NEK6: variants seen among roughly 807,000 people sequenced by gnomAD.
NEK6 encodes the protein serine/threonine-protein kinase Nek6.
NEK6 carries 27 observed loss-of-function variants against 43.5 expected under a neutral mutation model. The ratio of observed to expected loss-of-function variants is 0.62; its 90% CI spans 0.46 to 0.86. NEK6 has a LOEUF of 0.86. Ranked by LOEUF, NEK6 falls within the 40% of genes least tolerant of loss-of-function variation. The pLI, the probability that NEK6 is intolerant of heterozygous loss-of-function variation, is 0.00. For missense variants in NEK6, 318 were observed against 414.4 expected, an observed-to-expected ratio of 0.77 and a Z score of 2.02; for synonymous variants, 167 against 164.1, an observed-to-expected ratio of 1.02 and a Z score of -0.14.
intron 1 of NEK6, among the ~76,000 whole-genome samples, chr9:124,293,262 C>T (rs1478141087): frequency 6.6e-6 from 1 of 152,212 alleles, no homozygotes; most frequent in Non-Finnish European, 1.5e-5. Context: ...TCAGTTTCTT[C>T]ATCTGTAAAA....
intron 1 of NEK6, chr9:124,292,162 A>G (rs1032339034): frequency 8.1e-7 from 1 of 1,239,860 alleles, no homozygotes; most frequent in South Asian, 1.8e-5. Context: ...GGGATGGGGA[A>G]CCAGGCCCCA....
chr9:124,330,509 C>T (rs538541270), intron 7 of NEK6, among the ~76,000 whole-genome samples: 5 of 152,038 alleles, frequency 3.3e-5, no homozygotes, highest in East Asian at 1.9e-4. Context: ...GCAGGAAGGG[C>T]GGCTGGTCAC....
chr9:124,281,487 C>CT (rs759381068), intron 1 of NEK6, among the ~76,000 whole-genome samples: 5,742 of 102,778 alleles, frequency 0.056, 531 homozygotes, highest in East Asian at 0.096. Context: ...GCTGTTTTTT[C>CT]TTTTTTTTTT....
At chr9:124,257,670 C>A, upstream of NEK6, 1 of 1,527,926 alleles carries the variant, frequency 6.5e-7, no homozygotes, top group Non-Finnish European at 8.8e-7. Flanking sequence ...ACTGCAGACC[C>A]TCATCATAAG....
intron 7 of NEK6, among the ~76,000 whole-genome samples, chr9:124,328,533 T>A (rs886581776): frequency 6.6e-6 from 1 of 152,164 alleles, no homozygotes; most frequent in African/African-American, 2.4e-5. Flanking sequence ...CGCCGCCTCC[T>A]TGAACACCGC....
At chr9:124,290,190 G>A (rs368563709) in intron 1 of NEK6, among the ~76,000 whole-genome samples, 13 of 152,336 alleles carry the variant, frequency 8.5e-5, no homozygotes, top group Non-Finnish European at 1.8e-4. Flanking sequence ...GGGGGCTCAC[G>A]GTGACTCTCA....
intron 7 of NEK6, among the ~76,000 whole-genome samples, chr9:124,337,061 A>G (rs1408910497): frequency 1.3e-5 from 2 of 151,792 alleles, no homozygotes; most frequent in African/African-American, 4.8e-5. Flanking sequence ...ATGGGCTGAT[A>G]GGAGAATGTC....
intron 1 of NEK6, 123 bp downstream of exon 1, chr9:124,258,208 G>C: frequency 6.1e-6 from 6 of 976,536 alleles, no homozygotes; most frequent in Middle Eastern, 5.3e-4. Context: ...ACGGCTCCGC[G>C]GGGGAGAGCG....
chr9:124,268,135 T>C (rs1033658021), intron 1 of NEK6, among the ~76,000 whole-genome samples: 10 of 152,188 alleles, frequency 6.6e-5, no homozygotes, highest in African/African-American at 9.7e-5. Flanking sequence ...ATGTTAGCAA[T>C]TGAGATATTT....
chr9:124,339,001 C>A (rs934436189), intron 7 of NEK6, among the ~76,000 whole-genome samples: 1 of 151,126 alleles, frequency 6.6e-6, no homozygotes, highest in African/African-American at 2.4e-5. Flanking sequence ...CAACCCCCAG[C>A]TCTCCAGCCC....
At chr9:124,265,084 T>C (rs2118876366) in intron 1 of NEK6, among the ~76,000 whole-genome samples, 1 of 152,296 alleles carries the variant, frequency 6.6e-6, no homozygotes, top group East Asian at 1.9e-4. Flanking sequence ...GGGGAGCGAC[T>C]GATTAAGGGA....
chr9:124,270,069 G>GCCC (rs560878217), intron 1 of NEK6, among the ~76,000 whole-genome samples: 2 of 147,348 alleles, frequency 1.4e-5, no homozygotes, highest in African/African-American at 5.0e-5. Flanking sequence ...TTCCTTCCAC[G>GCCC]CCCCCCCCCC....
rs778719129 is a variant in NEK6 at position 124,313,915 on chromosome 9, C to T, written c.232-8C>T. The T allele has an allele frequency of 2.0e-5, 32 of 1,613,942 alleles. No individual in the cohort carries two copies. Among genetic ancestry groups the T allele is most frequent in the Admixed American group, 1.7e-4 (10 of 59,994 alleles). On this transcript the variant is annotated splice_region_variant and splice_polypyrimidine_tract_variant and intron_variant, in intron 3 of 9. Transcript: ENST00000320246. ...ACCACTCTATTTCTCTTTTTCCTCC[C>T]GCCCAAGATCTTTGAGATGATGGAC...
At chr9:124,280,365 C>CG (rs1831843759) in intron 1 of NEK6, among the ~76,000 whole-genome samples, 1 of 152,210 alleles carries the variant, frequency 6.6e-6, no homozygotes, top group African/African-American at 2.4e-5. Context: ...TGGAAGGGTA[C>CG]GGCGTCAGAC....
intron 4 of NEK6, 44 bp from the exon 5 acceptor site, chr9:124,321,415 C>T (rs749821002): frequency 2.3e-5 from 31 of 1,335,724 alleles, no homozygotes; most frequent in Admixed American, 6.8e-5. Flanking sequence ...GGGTCTGTCC[C>T]GTCTTCACTT....
At chr9:124,292,544 G>GT (rs762272001) in intron 1 of NEK6, 2 of 1,537,002 alleles carry the variant, frequency 1.3e-6, no homozygotes, top group Non-Finnish European at 8.7e-7. Context: ...CCCAGGGTGA[G>GT]TTTTTTACAA....
intron 7 of NEK6, among the ~76,000 whole-genome samples, chr9:124,335,103 A>C (rs542637800): frequency 6.6e-6 from 1 of 152,108 alleles, no homozygotes; most frequent in East Asian, 1.9e-4. Flanking sequence ...GCCCTACATC[A>C]TTGTCCAACC....
At chr9:124,281,501 T>TC (rs1831909082) in intron 1 of NEK6, among the ~76,000 whole-genome samples, 1 of 141,532 alleles carries the variant, frequency 7.1e-6, no homozygotes, top group African/African-American at 2.6e-5. Flanking sequence ...TTTTTTTTTT[T>TC]TTTTTTTTTT....
chr9:124,259,183 G>A (rs2118833396), intron 1 of NEK6: 1 of 152,334 alleles, frequency 6.6e-6, no homozygotes, highest in African/African-American at 2.4e-5. Flanking sequence ...TCTAACTGTT[G>A]AAAATCTTTG....
Sources: allele counts gnomAD v4.1 joint callset (sites outside exome capture counted in the v4.1 genomes callset), GRCh38; gene constraint gnomAD v4.1.1; transcripts MANE v1.5; gene names NCBI Gene and HGNC (gene_info 2026-07-23, HGNC 2026-07-21).